The following ATP2B3 variants were observed in gnomAD, a reference collection of about 807,000 sequenced individuals.
ATP2B3 encodes the protein ATPase plasma membrane Ca2+ transporting 3, also known as plasma membrane calcium-transporting ATPase 3.
A neutral mutation model predicts 70.8 loss-of-function variants in ATP2B3; 12 were observed. That is an observed-to-expected ratio of 0.17 (90% confidence interval 0.11 to 0.27). The LOEUF is 0.27. Among genes scored for constraint, ATP2B3 ranks in the 10% least tolerant of loss-of-function variants. The pLI, the probability that ATP2B3 is intolerant of heterozygous loss-of-function variation, is 1.00. For missense variants in ATP2B3, 858 were observed against 1,118.5 expected (o/e 0.77, Z 3.32); for synonymous variants, 460 against 497.8 (o/e 0.92, Z 1.01).
intron 2 of ATP2B3, among the ~76,000 whole-genome samples, chrX:153,520,766 T>C (rs2089948127): frequency 1.8e-5 from 2 of 112,215 alleles, no homozygotes; most frequent in African/African-American, 3.2e-5. Flanking sequence ...TAGCCATTAG[T>C]TCCTGTATCT....
chrX:153,554,817 G>C (rs887242299), intron 13 of ATP2B3, among the ~76,000 whole-genome samples: 2 of 112,534 alleles, frequency 1.8e-5, no homozygotes, highest in African/African-American at 3.2e-5. Flanking sequence ...TGGGGCCTTG[G>C]GGAGAAGGCA....
intron 20 of ATP2B3, among the ~76,000 whole-genome samples, chrX:153,564,543 G>A (rs781986283): frequency 1.5e-3 from 175 of 113,104 alleles, no homozygotes; most frequent in African/African-American, 5.4e-3. Flanking sequence ...GCCACTCCCT[G>A]GGCCCTTTGG....
chrX:153,566,391 G>A lies in ATP2B3; in HGVS notation c.3342+1288G>A, dbSNP rs7473750. Among the ~76,000 whole-genome samples the A allele has an allele frequency of 1.1e-4, 12 of 112,734 alleles. No homozygotes were observed. In the East Asian group the frequency reaches 3.4e-3, roughly 32 times the overall value. ...TCAAGCGGGAATAGGCGGGGCCTGA[G>A]GCCACACCCCTTCCCAGGGTCAGTC... On this transcript the variant is annotated intron_variant, in intron 21 of 21. Coordinates refer to ENST00000263519, the MANE Select transcript of ATP2B3 (RefSeq NM_001001344.3).
chrX:153,571,004 A>G (rs868957268), intron 21 of ATP2B3, among the ~76,000 whole-genome samples: 89 of 2,836 alleles, frequency 0.031, 1 homozygote, highest in Non-Finnish European at 0.068. Context: ...GTGCGCGCGT[A>G]CACACACACA....
At position 153,541,570 on chromosome X, in the gene ATP2B3, G is replaced by A. The variant is rs1183367571; in HGVS notation, c.406+14G>A. ...AGGAGAGTGAAGGTAAGGCCCGGGG[G>A]CCTGGGCTGGAAGGAGGAAGAGGAA... On this transcript the variant is annotated intron_variant, in intron 4 of 21. Transcript: ENST00000263519. The A allele has an allele frequency of 1.7e-5, 20 of 1,208,813 alleles. No homozygotes were observed. In the East Asian group the frequency reaches 5.0e-4, roughly 30 times the overall value.
intron 2 of ATP2B3, among the ~76,000 whole-genome samples, chrX:153,525,072 C>T (rs2090011321): frequency 8.9e-6 from 1 of 111,901 alleles, no homozygotes; most frequent in South Asian, 3.7e-4. Flanking sequence ...GCCAGACGGC[C>T]CTGGGAACGC....
chrX:153,568,494 C>A (rs1304695019), intron 21 of ATP2B3, among the ~76,000 whole-genome samples: 3 of 111,291 alleles, frequency 2.7e-5, no homozygotes, highest in Non-Finnish European at 3.8e-5. Flanking sequence ...GGAGACCCCC[C>A]ACCCCGCAAG....
At chrX:153,540,587 C>G (rs782161196) in intron 3 of ATP2B3, among the ~76,000 whole-genome samples, 5 of 112,546 alleles carry the variant, frequency 4.4e-5, no homozygotes, top group African/African-American at 1.6e-4. Context: ...CGGCACTGGC[C>G]GTGCTCATGC....
At chrX:153,568,073 C>T (rs1415314597) in intron 21 of ATP2B3, among the ~76,000 whole-genome samples, 1 of 111,810 alleles carries the variant, frequency 8.9e-6, no homozygotes, top group Non-Finnish European at 1.9e-5. Context: ...ATTTTGGAGG[C>T]CGGCACAAGC....
At chrX:153,529,824 C>T (rs781820385) in intron 2 of ATP2B3, among the ~76,000 whole-genome samples, 4 of 111,699 alleles carry the variant, frequency 3.6e-5, no homozygotes, top group Admixed American at 1.9e-4. Context: ...GTGTTGGCCT[C>T]TCTGTGACTG....
intron 5 of ATP2B3, 48 bp from the exon 6 acceptor site, chrX:153,542,274 GC>G: frequency 3.3e-6 from 4 of 1,204,325 alleles, no homozygotes; most frequent in Non-Finnish European, 4.5e-6. Flanking sequence ...CCCTGGGGCA[GC>G]CGGGAGGAGG....
chrX:153,539,823 G>A (rs7887883), intron 3 of ATP2B3, among the ~76,000 whole-genome samples: 8,605 of 112,974 alleles, frequency 0.076, 572 homozygotes, highest in African/African-American at 0.21. Flanking sequence ...GTAGAAGGTG[G>A]CTGAGTGGGT....
intron 2 of ATP2B3, among the ~76,000 whole-genome samples, chrX:153,529,364 C>A (rs2090080317): frequency 9.0e-6 from 1 of 111,283 alleles, no homozygotes; most frequent in African/African-American, 3.3e-5. Flanking sequence ...GTTTCCATAT[C>A]CAGTAGGGGG....
rs141987032 is a variant in ATP2B3 at position 153,541,507 on chromosome X, C to G, written c.357C>G (p.Ile119Met). Reference sequence around the variant, plus strand: ...TCATCATCCTGGAGGTGGCTGCCATCGTCTCTCTGGGCCTCTCGTTCTATG... The same window carrying G: ...TCATCATCCTGGAGGTGGCTGCCATGGTCTCTCTGGGCCTCTCGTTCTATG... The part of the protein sequence containing the change: ...VTLIILEVAA[I>M]VSLGLSFYAP... Residue 119 changes from isoleucine to methionine, a missense_variant, in exon 4 of 22, where the codon ATC becomes ATG. Physicochemically the swap from Ile to Met is conservative, Grantham distance 10. Transcript: ENST00000263519. 8.3e-7 allele frequency: 1 copy of G among 1,211,700 alleles called. No homozygotes were observed. Among genetic ancestry groups the G allele is most frequent in the Non-Finnish European group, 1.1e-6 (1 of 895,516 alleles).
At chrX:153,547,247 ACACAC>A (rs1381127846) in intron 8 of ATP2B3, among the ~76,000 whole-genome samples, 8 of 109,944 alleles carry the variant, frequency 7.3e-5, no homozygotes, top group African/African-American at 2.3e-4. Context: ...GGAGTGGGGG[ACACAC>A]CACCACCATG....
chrX:153,542,312 C>T lies in ATP2B3; in HGVS notation c.665-11C>T, dbSNP rs372622632. On this transcript the variant is annotated splice_polypyrimidine_tract_variant and intron_variant, in intron 5 of 21. Coordinates refer to ENST00000263519, the MANE Select transcript of ATP2B3 (RefSeq NM_001001344.3). The stretch of plus-strand genomic sequence containing the variant: ...GGTGGGGAGAAAGGCCTCTGCTTCC[C>T]GGTGCTCTAGGCGACCTGCTGCCAG... The T allele has an allele frequency of 9.9e-6, 12 of 1,209,389 alleles. No individual in the cohort carries two copies. Among genetic ancestry groups the T allele is most frequent in the Admixed American group, 4.4e-5 (2 of 45,895 alleles).
At chrX:153,566,937 G>A (rs1378576968) in intron 21 of ATP2B3, among the ~76,000 whole-genome samples, 1 of 112,432 alleles carries the variant, frequency 8.9e-6, no homozygotes, top group South Asian at 3.7e-4. Context: ...AGGTCAAGGG[G>A]CAACAAAGAA....
chrX:153,547,788 T>TC (rs1347146597), intron 8 of ATP2B3, 47 bp from the exon 9 acceptor site: 2 of 1,120,014 alleles, frequency 1.8e-6, no homozygotes, highest in African/African-American at 3.7e-5. Context: ...TAACGCCTTC[T>TC]CCCCAGCCAG....
intron 7 of ATP2B3, 23 bp downstream of exon 7, chrX:153,543,191 C>A (rs782004853): frequency 8.4e-7 from 1 of 1,197,417 alleles, no homozygotes; most frequent in East Asian, 3.0e-5. Context: ...TGCCGCCAGT[C>A]CCTGGTGCTG....
Sources: gnomAD v4.1 joint callset for allele counts (sites outside exome capture counted in the v4.1 genomes callset) on GRCh38, gnomAD v4.1.1 for gene constraint, MANE v1.5 for transcripts, NCBI Gene and HGNC (gene_info 2026-07-23, HGNC 2026-07-21) for gene names.